SH3TC2: variants seen among roughly 807,000 people sequenced by gnomAD.
SH3TC2 encodes SH3 domain and tetratricopeptide repeats 2.
In SH3TC2, 87 loss-of-function variants were observed where a neutral mutation model predicts 124.5. The observed-to-expected ratio is 0.70, with a 90% CI of 0.59 to 0.84. The LOEUF is 0.84. SH3TC2 is among the 40% of genes least tolerant of loss of function. The pLI, the probability that SH3TC2 is intolerant of heterozygous loss-of-function variation, is 0.00. For synonymous variants in SH3TC2, 634 were observed against 628.5 expected (o/e 1.01, Z -0.13); for missense variants, 1,536 against 1,566.4 (o/e 0.98, Z 0.33).
In SH3TC2 at chr5:149,000,656, T is replaced by A. The variant is rs908267092; in HGVS notation, c.*4055A>T. On this transcript the variant is annotated 3_prime_UTR_variant, in exon 17 of 17. Coordinates refer to ENST00000515425, the MANE Select transcript of SH3TC2 (RefSeq NM_024577.4). ...ATGCATGCATACATACACACACGTG[T>A]ACATATACACACACAACTGTGAAGG... 5.3e-5 allele frequency among the ~76,000 whole-genome samples: 8 copies of A among 152,150 alleles called. No individual in the cohort carries two copies. Among genetic ancestry groups the A allele is most frequent in the Admixed American group, 2.6e-4 (4 of 15,278 alleles).
chr5:149,006,861 C>A lies in SH3TC2; in HGVS notation c.3675+20G>T, dbSNP rs900304988. On this transcript the variant is annotated intron_variant, in intron 16 of 16. Coordinates refer to ENST00000515425, the MANE Select transcript of SH3TC2 (RefSeq NM_024577.4). ...GGTTGGGTGGTGGCTGTCAGGAAAT[C>A]TGGGAAGTCTGGCTCTTACCTTCAG... is the stretch of plus-strand genomic sequence containing the variant. The A allele has an allele frequency of 8.1e-6, 13 of 1,611,658 alleles. No homozygotes were observed. The highest frequency in any genetic ancestry group is 1.3e-5 in the African/African-American group (1 of 74,864).
In SH3TC2 at chr5:149,028,723, G is replaced by A. The variant is rs1184870448; in HGVS notation, c.1136-5C>T. On this transcript the variant is annotated splice_region_variant and splice_polypyrimidine_tract_variant and intron_variant, in intron 9 of 16. Coordinates refer to ENST00000515425, the MANE Select transcript of SH3TC2 (RefSeq NM_024577.4). ...TCTGGATGGATTCAAACCCACCTAA[G>A]TAGAGATGAAGAACAGGTCTGGTGT... 1 of 1,614,054 alleles carries A rather than the reference G, an allele frequency of 6.2e-7. No individual in the cohort carries two copies. Among genetic ancestry groups the A allele is most frequent in the African/African-American group, 1.3e-5 (1 of 74,922 alleles).
In SH3TC2 at chr5:149,027,825, C is replaced by G. The variant is rs756568082; in HGVS notation, c.1907G>C (p.Cys636Ser). ...VGSSPLEARA[C>S]FLAIRLLLSL... ...CAGGAGCAAGCGGATGGCCAGAAAGCAGGCCCTGGCCTCCAGCGGGCTGCT... is the reference window on the plus strand; with the variant it reads ...CAGGAGCAAGCGGATGGCCAGAAAGGAGGCCCTGGCCTCCAGCGGGCTGCT... Residue 636 changes from cysteine (C) to serine (S), a missense_variant, in exon 11 of 17, where the codon TGC (cysteine) becomes TCC (serine). Coordinates refer to ENST00000515425, the MANE Select transcript of SH3TC2 (RefSeq NM_024577.4). 6.2e-7 allele frequency: 1 copy of G among 1,613,886 alleles called. No homozygotes were observed. The highest frequency in any genetic ancestry group is 1.7e-5 in the Admixed American group (1 of 60,028).
chr5:149,048,016 C>G, intron 2 of SH3TC2, 27 bp from the exon 3 acceptor site: 1 of 1,613,374 alleles, frequency 6.2e-7, no homozygotes, highest in Non-Finnish European at 8.5e-7. Context: ...AGAGAAGGAT[C>G]AGGCTGAAAA....
Position 148,998,090 on chromosome 5 carries a change from T to C in SH3TC2, c.*6621A>G, listed in dbSNP as rs959611164. On this transcript the variant is annotated 3_prime_UTR_variant, in exon 17 of 17. Coordinates refer to ENST00000515425, the MANE Select transcript of SH3TC2 (RefSeq NM_024577.4). ...AGTGAGAAATTCATTTGGTGAGTCA[T>C]AAATTTGATATTTTTTAACTAGAAT... 6.6e-6 allele frequency among the ~76,000 whole-genome samples: 1 copy of C among 152,184 alleles called. No homozygotes were observed. Among genetic ancestry groups the C allele is most frequent in the African/African-American group, 2.4e-5 (1 of 41,432 alleles).
intron 12 of SH3TC2, among the ~76,000 whole-genome samples, chr5:149,014,110 T>A (rs573941698): frequency 8.5e-4 from 130 of 152,338 alleles, no homozygotes; most frequent in African/African-American, 2.9e-3. Flanking sequence ...TCCCTTCTTC[T>A]GAGTAGCAAC....
Position 148,998,646 on chromosome 5 carries a change from T to C in SH3TC2, c.*6065A>G. On this transcript the variant is annotated 3_prime_UTR_variant, in exon 17 of 17. Transcript: ENST00000515425. The stretch of plus-strand genomic sequence containing the variant: ...GAAGCCAAGCCAAGCAGCCCCACTG[T>C]GCAGTCCTGGCCACGCAAGTTATTC... 6.6e-6 allele frequency among the ~76,000 whole-genome samples: 1 copy of C among 152,236 alleles called. No individual in the cohort carries two copies. The highest frequency in any genetic ancestry group is 1.9e-4 in the East Asian group (1 of 5,196).
At chr5:149,005,969 A>C (rs921512557) in intron 16 of SH3TC2, among the ~76,000 whole-genome samples, 2 of 152,166 alleles carry the variant, frequency 1.3e-5, no homozygotes, top group Non-Finnish European at 2.9e-5. Flanking sequence ...CCAAAATAAT[A>C]AGAAGTTCTG....
Position 148,996,351 on chromosome 5 carries a change from A to G in SH3TC2, c.*8360T>C, listed in dbSNP as rs986240542. On this transcript the variant is annotated 3_prime_UTR_variant, in exon 17 of 17. Transcript: ENST00000515425. ...AAAAGAATGCCACAGGACTTGGAAG[A>G]GGATCAGAATATCAGTTTATATAAG... Among the ~76,000 whole-genome samples the G allele has an allele frequency of 1.3e-5, 2 of 152,198 alleles. No homozygotes were observed. The highest frequency in any genetic ancestry group is 2.9e-5 in the Non-Finnish European group (2 of 68,040).
chr5:149,028,702 G>A lies in SH3TC2; in HGVS notation c.1152C>T (p.Ile384=). Residue 384 remains isoleucine (I), a synonymous_variant, in exon 10 of 17, where the codon ATC becomes ATT. Transcript: ENST00000515425. ...SVYRLSGFES[I]QNPPNDLSAS... ...CACTCAGATCATTTGGAGGATTCTGGATGGATTCAAACCCACCTAAGTAGA... is the reference window on the plus strand; with the variant it reads ...CACTCAGATCATTTGGAGGATTCTGAATGGATTCAAACCCACCTAAGTAGA... The A allele has an allele frequency of 2.5e-6, 4 of 1,614,198 alleles. No homozygotes were observed. Among genetic ancestry groups the A allele is most frequent in the Non-Finnish European group, 3.4e-6 (4 of 1,180,038 alleles).
intron 8 of SH3TC2, among the ~76,000 whole-genome samples, chr5:149,032,275 G>A (rs1754209189): frequency 6.6e-6 from 1 of 152,102 alleles, no homozygotes; most frequent in African/African-American, 2.4e-5. Context: ...GAAAGAAGTG[G>A]GTAAAAGGAA....
intron 1 of SH3TC2, among the ~76,000 whole-genome samples, chr5:149,058,649 G>A (rs1754692335): frequency 6.6e-6 from 1 of 151,854 alleles, no homozygotes; most frequent in Admixed American, 6.6e-5. Flanking sequence ...ATGTATGTAA[G>A]TGGGAGGAAA....
chr5:149,024,846 G>A (rs1754037409), intron 12 of SH3TC2, among the ~76,000 whole-genome samples: 1 of 152,168 alleles, frequency 6.6e-6, no homozygotes, highest in South Asian at 2.1e-4. Flanking sequence ...ACAGCATCCA[G>A]GGCCTTCTCT....
chr5:149,049,089 G>A (rs1429291478), intron 2 of SH3TC2, among the ~76,000 whole-genome samples: 1 of 152,152 alleles, frequency 6.6e-6, no homozygotes, highest in Non-Finnish European at 1.5e-5. Flanking sequence ...ACCTTTAAAA[G>A]GCCTGTCTTT....
In SH3TC2 at chr5:148,989,793, G is replaced by C. The variant is rs1013574485; in HGVS notation, c.*14918C>G. 6.6e-6 allele frequency among the ~76,000 whole-genome samples: 1 copy of C among 152,136 alleles called. No individual in the cohort carries two copies. The highest frequency in any genetic ancestry group is 1.5e-5 in the Non-Finnish European group (1 of 68,028). ...GGGACCCAAGAGCTTCAACAATCTG[G>C]TATTCAGAAGCAGCTGGAATGAACG... On this transcript the variant is annotated 3_prime_UTR_variant, in exon 17 of 17. Coordinates refer to ENST00000515425, the MANE Select transcript of SH3TC2 (RefSeq NM_024577.4).
rs1189763508 is a variant in SH3TC2 at position 149,052,193 on chromosome 5, C to T, written c.100G>A (p.Ala34Thr). ...KDPTVSSECI[A>T]SSEYKEKCFL... The stretch of plus-strand genomic sequence containing the variant: ...CATTTTTCCTTGTATTCAGATGAGG[C>T]TATACACTCACTCGATACAGTTGGA... Residue 34 changes from alanine to threonine, a missense_variant, in exon 2 of 17, where the codon GCC becomes ACC. Ala to Thr is a moderately conservative substitution (Grantham distance 58, BLOSUM62 0). This residue lies in a region of SH3TC2 where 1,102 missense variants were observed against 1,098.6 expected (regional missense o/e 1.00). Transcript: ENST00000515425. 5 of 1,613,624 alleles carry T rather than the reference C, an allele frequency of 3.1e-6. No individual in the cohort carries two copies. The highest frequency in any genetic ancestry group is 3.3e-5 in the Admixed American group (2 of 60,002).
chr5:149,016,639 C>A (rs1159712548), intron 12 of SH3TC2, among the ~76,000 whole-genome samples: 3 of 152,110 alleles, frequency 2.0e-5, no homozygotes, highest in Non-Finnish European at 4.4e-5. Flanking sequence ...AGAATAAAAG[C>A]CAGACGGCTG....
In SH3TC2 at chr5:149,012,607, C is replaced by G. The variant is rs760656119; in HGVS notation, c.3181G>C (p.Glu1061Gln). 2 of 1,614,146 alleles carry G rather than the reference C, an allele frequency of 1.2e-6. No homozygotes were observed. Among genetic ancestry groups the G allele is most frequent in the East Asian group, 4.5e-5 (2 of 44,872 alleles). Residue 1061 changes from glutamate (E) to glutamine (Q), a missense_variant, in exon 13 of 17, where the codon GAG becomes CAG. By Grantham distance (29) the Glu-to-Gln change is conservative (BLOSUM62 2). Transcript: ENST00000515425. ...ACCTGCAGGCACAGCTCCACCAGCT[C>G]GTCTTCCTGCATGAGGTAGTGGAGT... is the stretch of plus-strand genomic sequence containing the variant. ...GRLHYLMQED[E>Q]LVELCLQAAI...
At chr5:149,051,038 A>T (rs1754547348) in intron 2 of SH3TC2, among the ~76,000 whole-genome samples, 1 of 152,168 alleles carries the variant, frequency 6.6e-6, no homozygotes, top group South Asian at 2.1e-4. Flanking sequence ...ACATGTGAGG[A>T]TCATTTGGCA....
Sources: allele counts gnomAD v4.1 joint callset (sites outside exome capture counted in the v4.1 genomes callset), GRCh38; gene constraint gnomAD v4.1.1; regional missense constraint gnomAD v4.1.1; transcripts MANE v1.5; gene names NCBI Gene and HGNC (gene_info 2026-07-23, HGNC 2026-07-21).